R3HCC1L: variants seen among roughly 807,000 people sequenced by gnomAD.
R3HCC1L encodes the protein coiled-coil domain-containing protein R3HCC1L.
Under a neutral mutation model 59.9 loss-of-function variants are expected in R3HCC1L, and 51 were observed. The observed-to-expected ratio is 0.85, with a 90% CI of 0.68 to 1.07. R3HCC1L has a LOEUF of 1.07. R3HCC1L is among the 50% of genes least tolerant of loss of function. The probability of loss-of-function intolerance (pLI) is 0.00; values close to 1 mark genes in which losing one functional copy is unlikely to be tolerated. For synonymous variants in R3HCC1L, 322 were observed against 315.2 expected, an observed-to-expected ratio of 1.02 and a Z score of -0.23; for missense variants, 965 against 933.0, an observed-to-expected ratio of 1.03 and a Z score of -0.45.
Position 98,236,133 on chromosome 10 carries a change from A to G in R3HCC1L, c.2238A>G (p.Glu746=), listed in dbSNP as rs767838073. 1 of 1,613,958 alleles carries G rather than the reference A, an allele frequency of 6.2e-7. No homozygotes were observed. ...GTAAGCAGAGCAAAACCGAACGAGA[A>G]GCAGAGCTCAAGAAACTGCAAGAAG... ...VRSKQSKTER[E]AELKKLQEAR... is the part of the protein sequence containing the mutation. Residue 746 remains glutamate (E), a synonymous_variant, in exon 9 of 10, where the codon GAA becomes GAG. Transcript: ENST00000298999.
At chr10:98,158,408 GTTTAA>G (rs1391520975) in intron 2 of R3HCC1L, among the ~76,000 whole-genome samples, 1 of 152,126 alleles carries the variant, frequency 6.6e-6, no homozygotes, top group Non-Finnish European at 1.5e-5. Flanking sequence ...TTGTTTTTCT[GTTTAA>G]TTTATGTTGA....
At chr10:98,230,325 G>C (rs1402537790) in intron 5 of R3HCC1L, among the ~76,000 whole-genome samples, 1 of 152,074 alleles carries the variant, frequency 6.6e-6, no homozygotes, top group Non-Finnish European at 1.5e-5. Flanking sequence ...TGTATGTGTC[G>C]AGGAATTTAT....
intron 4 of R3HCC1L, among the ~76,000 whole-genome samples, chr10:98,167,119 T>G (rs965002441): frequency 3.3e-5 from 5 of 151,760 alleles, no homozygotes; most frequent in Admixed American, 2.0e-4. Flanking sequence ...GAATACTAGA[T>G]AAGAATTCAG....
intron 1 of R3HCC1L, among the ~76,000 whole-genome samples, chr10:98,153,209 T>C (rs1296441500): frequency 6.6e-6 from 1 of 152,208 alleles, no homozygotes; most frequent in Non-Finnish European, 1.5e-5. Flanking sequence ...ATTCAGATTG[T>C]TGCTGTGTCT....
chr10:98,201,613 A>T (rs1046597558), intron 4 of R3HCC1L, among the ~76,000 whole-genome samples: 1 of 152,232 alleles, frequency 6.6e-6, no homozygotes, highest in Non-Finnish European at 1.5e-5. Context: ...AACAAATATT[A>T]TCAGACACCT....
intron 4 of R3HCC1L, among the ~76,000 whole-genome samples, chr10:98,201,450 G>C (rs1280023542): frequency 1.3e-5 from 2 of 152,092 alleles, no homozygotes; most frequent in Non-Finnish European, 1.5e-5. Context: ...ACATATTTAA[G>C]TTGATAAAAC....
At chr10:98,181,649 A>G (rs768325534) in intron 4 of R3HCC1L, among the ~76,000 whole-genome samples, 1 of 152,214 alleles carries the variant, frequency 6.6e-6, no homozygotes, top group Non-Finnish European at 1.5e-5. Context: ...ACTTTCAGGT[A>G]TACCACTCAA....
intron 4 of R3HCC1L, among the ~76,000 whole-genome samples, chr10:98,207,809 G>A (rs892915588): frequency 6.6e-6 from 1 of 151,882 alleles, no homozygotes; most frequent in Non-Finnish European, 1.5e-5. Flanking sequence ...CTGGGCTTGA[G>A]ACCAGCCTAG....
chr10:98,231,606 A>T lies in R3HCC1L; in HGVS notation c.1880A>T (p.Glu627Val). The T allele has an allele frequency of 6.2e-7, 1 of 1,612,616 alleles. No homozygotes were observed. Among genetic ancestry groups the T allele is most frequent in the Non-Finnish European group, 8.5e-7 (1 of 1,178,772 alleles). Residue 627 changes from glutamate to valine, a missense_variant, in exon 6 of 10, where the codon GAA (glutamate) becomes GTA (valine). Coordinates refer to ENST00000298999, the MANE Select transcript of R3HCC1L (RefSeq NM_001351015.2). ...CCTGATATTGACCTCAGTGATTGTG[A>T]ATTCCCACATGTCATTGAAATTTAT... ...EVPDIDLSDC[E>V]FPHVIEIYDF...
chr10:98,185,136 A>G (rs1248646779), intron 4 of R3HCC1L, among the ~76,000 whole-genome samples: 1 of 152,118 alleles, frequency 6.6e-6, no homozygotes, highest in East Asian at 1.9e-4. Flanking sequence ...ATGTCTATTG[A>G]TACGGGATTT....
At chr10:98,141,706 C>G (rs1171556316) in intron 1 of R3HCC1L, among the ~76,000 whole-genome samples, 1 of 152,180 alleles carries the variant, frequency 6.6e-6, no homozygotes, top group Non-Finnish European at 1.5e-5. Context: ...TCCCTCAGAA[C>G]ACCTACCTAC....
intron 6 of R3HCC1L, among the ~76,000 whole-genome samples, chr10:98,233,019 A>C (rs1040102049): frequency 2.6e-5 from 4 of 152,186 alleles, no homozygotes; most frequent in Admixed American, 1.3e-4. Context: ...TTAAATGTAT[A>C]GTGTGTAGGT....
intron 5 of R3HCC1L, among the ~76,000 whole-genome samples, chr10:98,225,570 G>A (rs376951778): frequency 1.3e-5 from 2 of 152,206 alleles, no homozygotes; most frequent in South Asian, 4.1e-4. Context: ...GAAAAGTTAG[G>A]AATCTCTGAT....
Position 98,208,302 on chromosome 10 carries a change from A to G in R3HCC1L, c.188A>G (p.Lys63Arg). 6.2e-7 allele frequency: 1 copy of G among 1,614,204 alleles called. No homozygotes were observed. Among genetic ancestry groups the G allele is most frequent in the South Asian group, 1.1e-5 (1 of 91,090 alleles). ...ESSLSQKEVF[K>R]DKPEARRLNI... ...TCTCTCTCCCAAAAAGAAGTCTTTA[A>G]AGACAAACCGGAGGCTCGAAGACTA... is the stretch of plus-strand genomic sequence containing the variant. The change falls in exon 5 of 10, where the codon AAA (lysine) becomes AGA (arginine). Residue 63 changes from lysine (K) to arginine (R), a missense_variant. Coordinates refer to ENST00000298999, the MANE Select transcript of R3HCC1L (RefSeq NM_001351015.2).
chr10:98,225,106 A>G (rs1484159522), intron 5 of R3HCC1L, among the ~76,000 whole-genome samples: 1 of 152,202 alleles, frequency 6.6e-6, no homozygotes, highest in Non-Finnish European at 1.5e-5. Context: ...TTTTATACTT[A>G]CAGCATATCT....
chr10:98,236,275 AG>A, intron 9 of R3HCC1L, 111 bp downstream of exon 9: 3 of 1,372,500 alleles, frequency 2.2e-6, no homozygotes. Context: ...TCTGTTTCCT[AG>A]AAGCCTCCTA....
At chr10:98,231,259 A>G (rs182954553) in intron 5 of R3HCC1L, among the ~76,000 whole-genome samples, 11 of 152,306 alleles carry the variant, frequency 7.2e-5, no homozygotes, top group African/African-American at 2.2e-4. Context: ...TAGAGATGCA[A>G]GTTGAGTTTC....
At chr10:98,169,984 G>T (rs911702756) in intron 4 of R3HCC1L, among the ~76,000 whole-genome samples, 1 of 148,828 alleles carries the variant, frequency 6.7e-6, no homozygotes, top group Non-Finnish European at 1.5e-5. Flanking sequence ...CTTGTCCAGT[G>T]TATGAGGCAC....
rs566733816 is a variant in R3HCC1L at position 98,242,587 on chromosome 10, GT to G, written c.2270-1500del. ...AAGCAATAACTTTGTTTTCAGAATT[GT>G]TTTGATTTTGGAATTGTGTGTTATG... On this transcript the variant is annotated intron_variant, in intron 9 of 9. Coordinates refer to ENST00000298999, the MANE Select transcript of R3HCC1L (RefSeq NM_001351015.2). Among the ~76,000 whole-genome samples the G allele has an allele frequency of 1.8e-4, 27 of 152,216 alleles. No individual in the cohort carries two copies. In the South Asian group the frequency reaches 5.6e-3, roughly 32 times the overall value.
Sources: gnomAD v4.1 joint callset for allele counts (sites outside exome capture counted in the v4.1 genomes callset) on GRCh38, gnomAD v4.1.1 for gene constraint, MANE v1.5 for transcripts, NCBI Gene and HGNC (gene_info 2026-07-23, HGNC 2026-07-21) for gene names.